The following LRRN1 variants were observed in gnomAD, a reference collection of about 807,000 sequenced individuals.
The protein encoded by LRRN1 is leucine-rich repeat neuronal protein 1.
A neutral mutation model predicts 45.8 loss-of-function variants in LRRN1; 14 were observed. The observed-to-expected ratio is 0.31, with a 90% CI of 0.20 to 0.48. LRRN1 has a LOEUF of 0.48. Among genes scored for constraint, LRRN1 ranks in the 20% least tolerant of loss-of-function variants. LRRN1 has a pLI of 0.99. For synonymous variants in LRRN1, 359 were observed against 330.1 expected, an observed-to-expected ratio of 1.09 and a Z score of -0.95; for missense variants, 789 against 874.2, an observed-to-expected ratio of 0.90 and a Z score of 1.23.
chr3:3,843,569 A>AT (rs1559310595), intron 1 of LRRN1, among the ~76,000 whole-genome samples: 1 of 148,368 alleles, frequency 6.7e-6, no homozygotes, highest in Non-Finnish European at 1.5e-5. Context: ...TTCCCACTGT[A>AT]CCCCCCCCCA....
chr3:3,821,387 A>G (rs1693102160), intron 1 of LRRN1, among the ~76,000 whole-genome samples: 1 of 152,124 alleles, frequency 6.6e-6, no homozygotes, highest in Admixed American at 6.5e-5. Flanking sequence ...GCAAACACAA[A>G]TTAGTAACTC....
chr3:3,829,802 G>T (rs1343965372), intron 1 of LRRN1, among the ~76,000 whole-genome samples: 1 of 152,194 alleles, frequency 6.6e-6, no homozygotes, highest in African/African-American at 2.4e-5. Flanking sequence ...GTTAGTCTTG[G>T]TAAAAGCACT....
At position 3,813,555 on chromosome 3, in the gene LRRN1, C is replaced by A. The variant is rs140140085; in HGVS notation, c.-279+13636C>A. On this transcript the variant is annotated intron_variant, in intron 1 of 1. Coordinates refer to ENST00000319331, the MANE Select transcript of LRRN1 (RefSeq NM_020873.7). ...TCCCTTGCACCCTTTTATTACTAACCTGCTTTTCTGTGTCCCTTGAGATCT... is the reference window on the plus strand; with the variant it reads ...TCCCTTGCACCCTTTTATTACTAACATGCTTTTCTGTGTCCCTTGAGATCT... Among the ~76,000 whole-genome samples the A allele has an allele frequency of 3.1e-3, 475 of 152,206 alleles. 2 individuals carry two copies. The highest frequency in any genetic ancestry group is 8.9e-3 in the South Asian group (43 of 4,822).
Position 3,847,367 on chromosome 3 carries a change from ATTTTCT to A in LRRN1, c.*584_*589del, listed in dbSNP as rs1433629262. On this transcript the variant is annotated 3_prime_UTR_variant, in exon 2 of 2. Transcript: ENST00000319331. ...TTGAATGTTTGCCTTTAAACAATGA[ATTTTCT>A]TTTTCTTTCCTTTTTTTTTTTTTTG... 7.3e-6 allele frequency: 1 copy of A among 137,582 alleles called. No individual in the cohort carries two copies. Among genetic ancestry groups the A allele is most frequent in the Non-Finnish European group, 1.6e-5 (1 of 61,130 alleles). 8.5% of individuals were successfully genotyped at this position (137,582 alleles called of 1,614,324 possible).
intron 1 of LRRN1, among the ~76,000 whole-genome samples, chr3:3,831,068 G>T (rs572009510): frequency 1.3e-5 from 2 of 152,300 alleles, no homozygotes; most frequent in East Asian, 3.9e-4. Context: ...GGCCCAAGTG[G>T]CAGAGCACTT....
Position 3,849,469 on chromosome 3 carries a change from A to G in LRRN1, c.*2677A>G, listed in dbSNP as rs1199589100. Reference sequence around the variant, plus strand: ...GCCAAGTATTTTCTCATTTGTATTTAATTTCATAAATTAGACAGCCAGTGA... The same window carrying G: ...GCCAAGTATTTTCTCATTTGTATTTGATTTCATAAATTAGACAGCCAGTGA... On this transcript the variant is annotated 3_prime_UTR_variant, in exon 2 of 2. Transcript: ENST00000319331. 6.6e-6 allele frequency among the ~76,000 whole-genome samples: 1 copy of G among 152,098 alleles called. No individual in the cohort carries two copies. Among genetic ancestry groups the G allele is most frequent in the African/African-American group, 2.4e-5 (1 of 41,446 alleles).
rs142217620 is a variant in LRRN1, at chr3:3,799,465, A to G, written c.-733A>G. On this transcript the variant is annotated 5_prime_UTR_variant, in exon 1 of 2. Coordinates refer to ENST00000319331, the MANE Select transcript of LRRN1 (RefSeq NM_020873.7). ...GCGGGGCGCACCGCGGGCGCCGGCA[A>G]CGAGCCGGTGAACGAGGCGAGGCCC... 7,659 of 151,884 alleles carry G rather than the reference A, an allele frequency of 0.05. 213 individuals are homozygous for G. Among genetic ancestry groups the G allele is most frequent in the African/African-American group, 0.072 (3,001 of 41,494 alleles). 9.4% of individuals were successfully genotyped at this position (151,884 alleles called of 1,614,324 possible). A position where few individuals can be genotyped will look rare whatever the true frequency, so the allele number is the denominator to read the frequency against.
chr3:3,830,455 T>A (rs1325588379), intron 1 of LRRN1, among the ~76,000 whole-genome samples: 1 of 152,200 alleles, frequency 6.6e-6, no homozygotes, highest in Non-Finnish European at 1.5e-5. Flanking sequence ...AAGATTACCC[T>A]CCACCGCTGT....
intron 1 of LRRN1, among the ~76,000 whole-genome samples, chr3:3,822,553 CAGA>C (rs1559292803): frequency 6.6e-6 from 1 of 152,034 alleles, no homozygotes; most frequent in Non-Finnish European, 1.5e-5. Context: ...CACTTCTTTC[CAGA>C]CAATTAAGAA....
chr3:3,846,621 C>T lies in LRRN1; in HGVS notation c.1980C>T (p.Asn660=), dbSNP rs200744123. 6.2e-7 allele frequency: 1 copy of T among 1,614,090 alleles called. No individual in the cohort carries two copies. Among genetic ancestry groups the T allele is most frequent in the East Asian group, 2.2e-5 (1 of 44,870 alleles). Residue 660 remains asparagine (N), a synonymous_variant, in exon 2 of 2, where the codon AAC becomes AAT. Coordinates refer to ENST00000319331, the MANE Select transcript of LRRN1 (RefSeq NM_020873.7). The surrounding 1 kb of genome is among the most constrained non-coding windows in gnomAD (Gnocchi z 5.7). ...TTGCCAAAAGATTTAAGAGAAAAAA[C>T]TACCACCACTCATTAAAAAAGTATA... The part of the protein sequence containing the change: ...VYFAKRFKRK[N]YHHSLKKYMQ...
intron 1 of LRRN1, among the ~76,000 whole-genome samples, chr3:3,823,141 A>G (rs975301615): frequency 2.0e-5 from 3 of 152,292 alleles, no homozygotes; most frequent in South Asian, 4.1e-4. Context: ...TTCAAGAGCT[A>G]TAAATGCTCC....
intron 1 of LRRN1, among the ~76,000 whole-genome samples, chr3:3,828,995 T>C (rs1043646281): frequency 1.7e-4 from 26 of 151,492 alleles, no homozygotes; most frequent in African/African-American, 5.3e-4. Context: ...TTCTTTCTTT[T>C]TTTTTTTTTT....
intron 1 of LRRN1, among the ~76,000 whole-genome samples, chr3:3,808,680 C>G (rs1322515993): frequency 6.6e-6 from 1 of 152,182 alleles, no homozygotes; most frequent in Admixed American, 6.5e-5. Flanking sequence ...ATATTTCTTC[C>G]TCTTTAATTG....
At chr3:3,835,191 A>G (rs1332995303) in intron 1 of LRRN1, among the ~76,000 whole-genome samples, 1 of 152,192 alleles carries the variant, frequency 6.6e-6, no homozygotes, top group East Asian at 1.9e-4. Context: ...AAATATCATT[A>G]TGTTTAAAAT....
rs1224636896 is a variant in LRRN1, at chr3:3,845,884, A to G, written c.1243A>G (p.Ile415Val). 3 of 1,613,992 alleles carry G rather than the reference A, an allele frequency of 1.9e-6. No individual in the cohort carries two copies. The highest frequency in any genetic ancestry group is 3.3e-5 in the Admixed American group (2 of 59,994). Reference sequence around the variant, plus strand: ...AGGGCACCAGGTGAAGGAAGTTTTAATCCAGGATTCGAGTGAACAGTGCCT... The same window carrying G: ...AGGGCACCAGGTGAAGGAAGTTTTAGTCCAGGATTCGAGTGAACAGTGCCT... Reference protein sequence around the residue: ...YKGHQVKEVLIQDSSEQCLPM... With the variant: ...YKGHQVKEVLVQDSSEQCLPM... Residue 415 changes from isoleucine (I) to valine (V), a missense_variant, in exon 2 of 2, where the codon ATC becomes GTC. By Grantham distance (29) the Ile-to-Val change is conservative (BLOSUM62 3). Coordinates refer to ENST00000319331, the MANE Select transcript of LRRN1 (RefSeq NM_020873.7). This position sits in a 1 kb window ranked among gnomAD's most constrained non-coding sequence, Gnocchi z 6.5.
intron 1 of LRRN1, among the ~76,000 whole-genome samples, chr3:3,824,719 C>A (rs184497008): frequency 6.6e-6 from 1 of 152,184 alleles, no homozygotes; most frequent in Non-Finnish European, 1.5e-5. Flanking sequence ...GCACTAAAGA[C>A]TAATGTCATT....
chr3:3,831,792 G>A (rs1292325802), intron 1 of LRRN1, among the ~76,000 whole-genome samples: 6 of 116 alleles, frequency 0.052, 3 homozygotes, highest in African/African-American at 0.056. Context: ...TCCGCAGTCC[G>A]ACCTGGGCGA....
In LRRN1 at chr3:3,816,998, GATTT is replaced by G. The variant is rs1202526712; in HGVS notation, c.-279+17083_-279+17086del. 6.6e-6 allele frequency among the ~76,000 whole-genome samples: 1 copy of G among 152,162 alleles called. No individual in the cohort carries two copies. Among genetic ancestry groups the G allele is most frequent in the Non-Finnish European group, 1.5e-5 (1 of 68,026 alleles). On this transcript the variant is annotated intron_variant, in intron 1 of 1. Transcript: ENST00000319331. This position sits in a 1 kb window ranked among gnomAD's most constrained non-coding sequence, Gnocchi z 4.0. Reference sequence around the variant, plus strand: ...TAAGATAGATAAGATACGATAGAGAGATTTATTACAGGAATTAGCCTACGTGATT... The same window carrying G: ...TAAGATAGATAAGATACGATAGAGAGATTACAGGAATTAGCCTACGTGATT...
chr3:3,806,804 A>G (rs895112727), intron 1 of LRRN1, among the ~76,000 whole-genome samples: 1 of 152,240 alleles, frequency 6.6e-6, no homozygotes, highest in African/African-American at 2.4e-5. Context: ...CTGAGGGACA[A>G]GAGTCATGGA....
Sources: gnomAD v4.1 joint callset for allele counts (sites outside exome capture counted in the v4.1 genomes callset) on GRCh38, gnomAD v4.1.1 for gene constraint, Gnocchi (gnomAD v3.1) non-coding constraint, MANE v1.5 for transcripts, NCBI Gene and HGNC (gene_info 2026-07-23, HGNC 2026-07-21) for gene names.